The following MGMT variants were observed in gnomAD, a reference collection of about 807,000 sequenced individuals.
MGMT encodes the protein methylated-DNA--protein-cysteine methyltransferase.
Under a neutral mutation model 15.9 loss-of-function variants are expected in MGMT, and 14 were observed. The ratio of observed to expected loss-of-function variants is 0.88; its 90% CI spans 0.58 to 1.37. The LOEUF is 1.37. Ranked by LOEUF, MGMT falls within the 40% of genes most tolerant of loss-of-function variation. MGMT has a pLI of 0.00. For missense variants in MGMT, 282 were observed against 268.1 expected, an observed-to-expected ratio of 1.05 and a Z score of -0.36; for synonymous variants, 130 against 118.2, an observed-to-expected ratio of 1.10 and a Z score of -0.65.
At chr10:129,765,634 CTG>C (rs1194785695) in intron 4 of MGMT, among the ~76,000 whole-genome samples, 2 of 152,240 alleles carry the variant, frequency 1.3e-5, no homozygotes, top group African/African-American at 4.8e-5. Flanking sequence ...TTCGCCATCA[CTG>C]TCCCCTCTGG....
chr10:129,660,799 C>CAT (rs397724224), intron 2 of MGMT, among the ~76,000 whole-genome samples: 3 of 150,450 alleles, frequency 2.0e-5, no homozygotes, highest in Admixed American at 6.6e-5. Flanking sequence ...CACACACACA[C>CAT]GCACACACAT....
intron 3 of MGMT, among the ~76,000 whole-genome samples, chr10:129,747,752 C>A (rs1291994428): frequency 6.6e-6 from 1 of 152,158 alleles, no homozygotes; most frequent in Non-Finnish European, 1.5e-5. Flanking sequence ...CAGGATCCTG[C>A]CTTGGATACT....
intron 2 of MGMT, among the ~76,000 whole-genome samples, chr10:129,666,882 C>T (rs1428547947): frequency 6.6e-6 from 1 of 152,116 alleles, no homozygotes; most frequent in Non-Finnish European, 1.5e-5. Context: ...CAGGTGATTG[C>T]TGGAAGTTCT....
chr10:129,503,474 G>A (rs918111135), intron 1 of MGMT, among the ~76,000 whole-genome samples: 15 of 152,212 alleles, frequency 9.9e-5, no homozygotes, highest in Admixed American at 1.3e-4. Flanking sequence ...TTGACTTGTC[G>A]ATGAGAAGTA....
chr10:129,643,833 T>A (rs1356277751), intron 2 of MGMT, among the ~76,000 whole-genome samples: 1 of 152,240 alleles, frequency 6.6e-6, no homozygotes, highest in Non-Finnish European at 1.5e-5. Flanking sequence ...TTACATTGAC[T>A]TTTGAGAAAT....
chr10:129,637,996 A>T (rs1182206767), intron 2 of MGMT, among the ~76,000 whole-genome samples: 5 of 152,164 alleles, frequency 3.3e-5, no homozygotes, highest in African/African-American at 9.6e-5. Context: ...CTCGCGGGAG[A>T]GTGAGTGCCT....
intron 2 of MGMT, among the ~76,000 whole-genome samples, chr10:129,551,047 C>T (rs1196975683): frequency 2.0e-5 from 3 of 152,166 alleles, no homozygotes; most frequent in South Asian, 2.1e-4. Flanking sequence ...GTCCCAGCCC[C>T]GTTCCCTATC....
chr10:129,543,026 A>T (rs1231373889), intron 2 of MGMT, among the ~76,000 whole-genome samples: 1 of 152,202 alleles, frequency 6.6e-6, no homozygotes, highest in African/African-American at 2.4e-5. Context: ...TTTCAGGTTG[A>T]TGGCTAAAAA....
intron 3 of MGMT, among the ~76,000 whole-genome samples, chr10:129,733,010 A>G (rs9971096): frequency 0.05 from 7,618 of 151,840 alleles, 444 homozygotes; most frequent in African/African-American, 0.15. Context: ...TAATGCCGCA[A>G]TAAACATACG....
At chr10:129,497,185 C>T (rs1396194507) in intron 1 of MGMT, among the ~76,000 whole-genome samples, 1 of 152,194 alleles carries the variant, frequency 6.6e-6, no homozygotes, top group Non-Finnish European at 1.5e-5. Flanking sequence ...TTCCTAGCCA[C>T]AGCTCGTACC....
Position 129,550,671 on chromosome 10 carries a change from C to T in MGMT, c.125+14294C>T, listed in dbSNP as rs567435925. Among the ~76,000 whole-genome samples, 4 of 152,238 alleles carry T rather than the reference C, an allele frequency of 2.6e-5. No individual in the cohort carries two copies. In the East Asian group the frequency reaches 7.8e-4, roughly 30 times the overall value. On this transcript the variant is annotated intron_variant, in intron 2 of 4. Transcript: ENST00000651593. ...CGTGTTGCCAGGATGGTCTCGATCTCCTGACCTCAGGTGATCCACCTTCCT... is the reference window on the plus strand; with the variant it reads ...CGTGTTGCCAGGATGGTCTCGATCTTCTGACCTCAGGTGATCCACCTTCCT...
rs372282768 is a variant in MGMT at position 129,524,562 on chromosome 10, C to A, written c.-12-11679C>A. On this transcript the variant is annotated intron_variant, in intron 1 of 4. Coordinates refer to ENST00000651593, the MANE Select transcript of MGMT (RefSeq NM_002412.5). ...CTCTTAAAGAAACAGATGATAGTTA[C>A]TAAGAAGCTTCCAAAAAGACTTTTT... Among the ~76,000 whole-genome samples, 371 of 140,136 alleles carry A rather than the reference C, an allele frequency of 2.6e-3. 1 individual carries two copies. Among genetic ancestry groups the A allele is most frequent in the African/African-American group, 9.2e-3 (355 of 38,586 alleles). 91.9% of individuals were successfully genotyped at this position (140,136 alleles called of 152,430 possible). A position where few individuals can be genotyped will look rare whatever the true frequency, so the allele number is the denominator to read the frequency against.
rs147533792 is a variant in MGMT, at chr10:129,583,056, A to G, written c.125+46679A>G. 1.3e-3 allele frequency among the ~76,000 whole-genome samples: 203 copies of G among 152,318 alleles called. 1 individual carries two copies. Among genetic ancestry groups the G allele is most frequent in the African/African-American group, 4.2e-3 (173 of 41,572 alleles). Reference sequence around the variant, plus strand: ...AACCATCTTGAGGGAAAAAAATCTTATATCTTTCTGATAGGCTGTCTTGCT... The same window carrying G: ...AACCATCTTGAGGGAAAAAAATCTTGTATCTTTCTGATAGGCTGTCTTGCT... On this transcript the variant is annotated intron_variant, in intron 2 of 4. Transcript: ENST00000651593.
At chr10:129,557,453 G>T (rs1402811180) in intron 2 of MGMT, among the ~76,000 whole-genome samples, 3 of 152,120 alleles carry the variant, frequency 2.0e-5, no homozygotes, top group African/African-American at 4.8e-5. Context: ...TTTAATCATT[G>T]TGTTGCTGCA....
In MGMT at chr10:129,682,364, A is replaced by T. The variant is rs77807424; in HGVS notation, c.126-25531A>T. 2.1e-3 allele frequency among the ~76,000 whole-genome samples: 322 copies of T among 152,196 alleles called. 5 individuals are homozygous for T. The East Asian group carries it at 0.037, about 18-fold the overall frequency. On this transcript the variant is annotated intron_variant, in intron 2 of 4. Transcript: ENST00000651593. ...CACGGTACAATTTGGATGGATCTAA[A>T]GGGCATTAGGTGGAGTAAAGGAAGC...
chr10:129,760,073 C>T (rs895862245), intron 4 of MGMT, among the ~76,000 whole-genome samples: 6 of 152,254 alleles, frequency 3.9e-5, no homozygotes, highest in Non-Finnish European at 7.3e-5. Context: ...AAGGCCCAAC[C>T]GGGACACAGC....
At chr10:129,599,199 G>A (rs1014044458) in intron 2 of MGMT, among the ~76,000 whole-genome samples, 1 of 152,168 alleles carries the variant, frequency 6.6e-6, no homozygotes, top group African/African-American at 2.4e-5. Context: ...AACATGGTTT[G>A]AACAGTCAGC....
chr10:129,716,985 G>A (rs1271633689), intron 3 of MGMT, among the ~76,000 whole-genome samples: 1 of 152,190 alleles, frequency 6.6e-6, no homozygotes, highest in East Asian at 1.9e-4. Flanking sequence ...TAACTCATTG[G>A]CAGCGTCGGC....
intron 2 of MGMT, among the ~76,000 whole-genome samples, chr10:129,686,066 A>T (rs1437218724): frequency 6.6e-6 from 1 of 152,242 alleles, no homozygotes. Context: ...AATTATAAAG[A>T]AAATTACTCC....
Sources: gnomAD v4.1 joint callset for allele counts (sites outside exome capture counted in the v4.1 genomes callset) on GRCh38, gnomAD v4.1.1 for gene constraint, MANE v1.5 for transcripts, NCBI Gene and HGNC (gene_info 2026-07-23, HGNC 2026-07-21) for gene names.